The following XKR6 variants were observed in gnomAD, a reference collection of about 807,000 sequenced individuals.
The protein encoded by XKR6 is XK-related protein 6.
A neutral mutation model predicts 56.7 loss-of-function variants in XKR6; 22 were observed. The observed-to-expected ratio is 0.39, with a 90% CI of 0.28 to 0.55. The LOEUF (loss-of-function observed/expected upper bound fraction) is 0.55. Among genes scored for constraint, XKR6 ranks in the 20% least tolerant of loss-of-function variants. The probability of loss-of-function intolerance (pLI) is 0.66; values close to 1 mark genes in which losing one functional copy is unlikely to be tolerated. For synonymous variants in XKR6, 524 were observed against 387.8 expected (o/e 1.35, Z -4.13); for missense variants, 852 against 889.0 (o/e 0.96, Z 0.53).
intron 1 of XKR6, among the ~76,000 whole-genome samples, chr8:11,181,396 T>C (rs1024899918): frequency 2.6e-4 from 39 of 152,216 alleles, no homozygotes; most frequent in African/African-American, 8.7e-4. Context: ...ATTTTATTCT[T>C]GAATATGGAT....
chr8:10,904,770 G>A lies in XKR6; in HGVS notation c.962-5854C>T, dbSNP rs1354388865. Among the ~76,000 whole-genome samples the A allele has an allele frequency of 2.0e-5, 3 of 152,180 alleles. No homozygotes were observed. The East Asian group carries it at 5.8e-4, about 29-fold the overall frequency. On this transcript the variant is annotated intron_variant, in intron 2 of 2. Coordinates refer to ENST00000416569, the MANE Select transcript of XKR6 (RefSeq NM_173683.4). ...CTGTAGGCTGAACACAGCACCTGGG[G>A]GAAGGCATGCTCCAGAAAGCCACAG...
At chr8:11,080,073 T>G (rs1797664033) in intron 1 of XKR6, among the ~76,000 whole-genome samples, 2 of 152,114 alleles carry the variant, frequency 1.3e-5, no homozygotes, top group African/African-American at 2.4e-5. Context: ...GGGTGCATGC[T>G]TGAGATCAGT....
chr8:10,935,323 A>G (rs1424217709), intron 1 of XKR6, among the ~76,000 whole-genome samples: 2 of 136,876 alleles, frequency 1.5e-5, no homozygotes, highest in Admixed American at 7.0e-5. Flanking sequence ...GCGGTCATTC[A>G]ATTTTGTTGA....
At chr8:11,002,412 A>G in intron 1 of XKR6, 7 of 397,146 alleles carry the variant, frequency 1.8e-5, no homozygotes, top group Admixed American at 2.8e-5. Flanking sequence ...GGCCTGGGGG[A>G]GGCCCGCGTG....
At chr8:11,093,540 C>G (rs1798155324) in intron 1 of XKR6, among the ~76,000 whole-genome samples, 4 of 152,196 alleles carry the variant, frequency 2.6e-5, no homozygotes, top group African/African-American at 9.7e-5. Flanking sequence ...TCCTTAGTCT[C>G]TTAGTTATAA....
intron 1 of XKR6, among the ~76,000 whole-genome samples, chr8:11,143,232 A>AT: frequency 6.6e-6 from 1 of 152,356 alleles, no homozygotes; most frequent in Non-Finnish European, 1.5e-5. Flanking sequence ...ACACATTCTG[A>AT]TAAAAAACAA....
At chr8:11,113,267 G>C (rs1387127987) in intron 1 of XKR6, among the ~76,000 whole-genome samples, 1 of 152,050 alleles carries the variant, frequency 6.6e-6, no homozygotes, top group Non-Finnish European at 1.5e-5. Flanking sequence ...AACCTTTTTG[G>C]AATTCTATTT....
intron 1 of XKR6, chr8:11,137,369 G>A (rs950920792): frequency 2.9e-6 from 1 of 339,702 alleles, no homozygotes; most frequent in Non-Finnish European, 5.7e-6. Context: ...AAGGAGTCCA[G>A]GATAATAGAA....
chr8:10,904,018 G>A (rs1199348127), intron 2 of XKR6, among the ~76,000 whole-genome samples: 5 of 152,166 alleles, frequency 3.3e-5, no homozygotes, highest in East Asian at 1.9e-4. Flanking sequence ...GGAACCGGCC[G>A]TGGAAGCCCC....
In XKR6 at chr8:11,084,204, C is replaced by T. The variant is rs544872628; in HGVS notation, c.764+116372G>A. Among the ~76,000 whole-genome samples, 9 of 152,322 alleles carry T rather than the reference C, an allele frequency of 5.9e-5. No individual in the cohort carries two copies. The South Asian group carries it at 1.9e-3, about 32-fold the overall frequency. ...TTATCCACAAACAGTGCTTACTGAC[C>T]TAATTAGGTTATGACTTCAACCACT... On this transcript the variant is annotated intron_variant, in intron 1 of 2. Coordinates refer to ENST00000416569, the MANE Select transcript of XKR6 (RefSeq NM_173683.4).
At position 10,924,568 on chromosome 8, in the gene XKR6, G is replaced by C. The variant is rs1337410391; in HGVS notation, c.961+66C>G. On this transcript the variant is annotated intron_variant, in intron 2 of 2. Coordinates refer to ENST00000416569, the MANE Select transcript of XKR6 (RefSeq NM_173683.4). The stretch of plus-strand genomic sequence containing the variant: ...AGCGTGCCAGGCACGAAGTGTGTGG[G>C]AGGCGGCCGTGGTCCCCAGGTGGAG... The C allele has an allele frequency of 1.9e-6, 3 of 1,540,662 alleles. No homozygotes were observed. In the East Asian group the frequency reaches 6.8e-5, roughly 35 times the overall value.
chr8:11,082,856 C>G (rs1043176730), intron 1 of XKR6, among the ~76,000 whole-genome samples: 1 of 152,208 alleles, frequency 6.6e-6, no homozygotes, highest in African/African-American at 2.4e-5. Context: ...TGAAGACAAG[C>G]CCAAGAGCAG....
rs192757535 is a variant in XKR6, at chr8:11,133,314, C to T, written c.764+67262G>A. 2.6e-5 allele frequency among the ~76,000 whole-genome samples: 4 copies of T among 152,138 alleles called. 1 individual carries two copies. Among genetic ancestry groups the T allele is most frequent in the African/African-American group, 7.2e-5 (3 of 41,476 alleles). ...ACATCAGGCCCTCCTTTGTGAGAGGCAAGGTGGAAGTGCACTGTAGCAATA... is the reference window on the plus strand; with the variant it reads ...ACATCAGGCCCTCCTTTGTGAGAGGTAAGGTGGAAGTGCACTGTAGCAATA... On this transcript the variant is annotated intron_variant, in intron 1 of 2. Coordinates refer to ENST00000416569, the MANE Select transcript of XKR6 (RefSeq NM_173683.4).
At chr8:11,178,228 TCAA>T (rs1474609355) in intron 1 of XKR6, among the ~76,000 whole-genome samples, 17 of 152,116 alleles carry the variant, frequency 1.1e-4, no homozygotes, top group African/African-American at 3.9e-4. Context: ...TTTTGCACTC[TCAA>T]CAACAAATCT....
intron 1 of XKR6, among the ~76,000 whole-genome samples, chr8:11,009,070 G>A (rs1233777719): frequency 7.0e-6 from 1 of 142,510 alleles, no homozygotes; most frequent in Non-Finnish European, 1.5e-5. Flanking sequence ...CCTCTCCTGG[G>A]TAGTCAGCAG....
intron 1 of XKR6, among the ~76,000 whole-genome samples, chr8:11,131,331 T>G (rs1186649602): frequency 1.3e-5 from 2 of 152,134 alleles, no homozygotes; most frequent in African/African-American, 4.8e-5. Flanking sequence ...GAACTGTGTG[T>G]GAATTTAGGA....
intron 1 of XKR6, among the ~76,000 whole-genome samples, chr8:10,926,022 G>C (rs560256168): frequency 6.6e-6 from 1 of 152,276 alleles, no homozygotes; most frequent in African/African-American, 2.4e-5. Context: ...CAGTGGGAGA[G>C]AACCACATGC....
intron 1 of XKR6, among the ~76,000 whole-genome samples, chr8:10,971,465 T>TA (rs1024410502): frequency 1.3e-5 from 2 of 151,898 alleles, no homozygotes; most frequent in African/African-American, 4.8e-5. Context: ...TAATTTGAAA[T>TA]AAAAAAATAA....
At chr8:11,084,211 G>A (rs1797812407) in intron 1 of XKR6, among the ~76,000 whole-genome samples, 1 of 152,196 alleles carries the variant, frequency 6.6e-6, no homozygotes, top group African/African-American at 2.4e-5. Context: ...GACCTAATTA[G>A]GTTATGACTT....
Sources: gnomAD v4.1 joint callset for allele counts (sites outside exome capture counted in the v4.1 genomes callset) on GRCh38, gnomAD v4.1.1 for gene constraint, MANE v1.5 for transcripts, NCBI Gene and HGNC (gene_info 2026-07-23, HGNC 2026-07-21) for gene names.